The following NFIB variants were observed in gnomAD, a reference collection of about 807,000 sequenced individuals.
NFIB encodes nuclear factor I B, also known as nuclear factor 1 B-type.
Under a neutral mutation model 61.5 loss-of-function variants are expected in NFIB, and 11 were observed. The ratio of observed to expected loss-of-function variants is 0.18; its 90% CI spans 0.11 to 0.30. NFIB has a LOEUF of 0.30. Among genes scored for constraint, NFIB ranks in the 10% least tolerant of loss-of-function variants. NFIB has a pLI of 1.00. For synonymous variants in NFIB, 260 were observed against 216.5 expected (o/e 1.20, Z -1.76); for missense variants, 471 against 608.9 (o/e 0.77, Z 2.38).
intron 10 of NFIB, among the ~76,000 whole-genome samples, chr9:14,092,207 T>C (rs2034035589): frequency 1.3e-5 from 2 of 152,006 alleles, no homozygotes; most frequent in African/African-American, 4.8e-5. Flanking sequence ...CAGCTAAGGG[T>C]AGACAGGGAA....
intron 2 of NFIB, among the ~76,000 whole-genome samples, chr9:14,213,742 T>C (rs746320687): frequency 3.3e-5 from 5 of 152,196 alleles, no homozygotes; most frequent in African/African-American, 7.2e-5. Context: ...TCCACCCAGA[T>C]GCATTGCTCA....
At position 14,291,996 on chromosome 9, in the gene NFIB, C is replaced by T. The variant is rs74458411; in HGVS notation, c.562+14993G>A. ...AAAGACCATGGCTGCAGATTGATTT[C>T]GTTAGAATACTTCCTATGAAAATGT... On this transcript the variant is annotated intron_variant, in intron 2 of 10. Transcript: ENST00000380953. 2.6e-3 allele frequency among the ~76,000 whole-genome samples: 391 copies of T among 152,124 alleles called. 1 individual carries two copies. Among genetic ancestry groups the T allele is most frequent in the African/African-American group, 8.7e-3 (362 of 41,512 alleles).
intron 1 of NFIB, among the ~76,000 whole-genome samples, chr9:14,335,601 T>A (rs903526795): frequency 1.3e-5 from 2 of 152,230 alleles, no homozygotes; most frequent in African/African-American, 4.8e-5. Context: ...CTTTATTAGA[T>A]GTTTGATTTG....
At chr9:14,250,179 C>T (rs1219294181) in intron 2 of NFIB, among the ~76,000 whole-genome samples, 2 of 152,102 alleles carry the variant, frequency 1.3e-5, no homozygotes, top group East Asian at 1.9e-4. Flanking sequence ...AGTTTATGGC[C>T]TGTTGAGCAC....
chr9:14,451,192 T>C, the NFIB span, among the ~76,000 whole-genome samples: 896 of 152,306 alleles, frequency 5.9e-3, 11 homozygotes, highest in African/African-American at 0.02. Flanking sequence ...AGCCAGATAA[T>C]TGAGGTAGAA....
At chr9:14,124,392 A>G (rs948526458) in intron 7 of NFIB, among the ~76,000 whole-genome samples, 2 of 152,296 alleles carry the variant, frequency 1.3e-5, no homozygotes, top group Middle Eastern at 3.4e-3. Context: ...TTTAAGTTGT[A>G]TAGTCCTCTC....
chr9:14,454,003 G>A, the NFIB span, among the ~76,000 whole-genome samples: 23 of 151,990 alleles, frequency 1.5e-4, no homozygotes, highest in African/African-American at 4.8e-4. Flanking sequence ...GCTTGAACCC[G>A]GGAGGCAATG....
At chr9:14,486,825 AC>A in the NFIB span, among the ~76,000 whole-genome samples, 1 of 152,168 alleles carries the variant, frequency 6.6e-6, no homozygotes, top group Non-Finnish European at 1.5e-5. Context: ...ATTTGTCCTT[AC>A]TTTATTACCC....
chr9:14,417,769 G>T, the NFIB span, among the ~76,000 whole-genome samples: 1 of 138,604 alleles, frequency 7.2e-6, no homozygotes, highest in Non-Finnish European at 1.5e-5. Flanking sequence ...TAGGGCCTAG[G>T]AACAGTTTTT....
Position 14,202,128 on chromosome 9 carries a change from TCACACACACACACA to T in NFIB, c.563-22362_563-22349del, listed in dbSNP as rs3080833. On this transcript the variant is annotated intron_variant, in intron 2 of 10. Coordinates refer to ENST00000380953, the MANE Select transcript of NFIB (RefSeq NM_001190737.2). ...ATTTTGAAGATAAAATTGATACTTT[TCACACACACACACA>T]CACACACACACACACACACACAAAG... 8.5e-4 allele frequency among the ~76,000 whole-genome samples: 125 copies of T among 147,176 alleles called. No individual in the cohort carries two copies. The Middle Eastern group carries it at 0.017, about 20-fold the overall frequency.
intron 1 of NFIB, among the ~76,000 whole-genome samples, chr9:14,343,033 G>GC (rs1218511931): frequency 6.6e-6 from 1 of 151,956 alleles, no homozygotes; most frequent in Non-Finnish European, 1.5e-5. Flanking sequence ...TGTTTCTGTT[G>GC]CCTAGTGAGC....
chr9:14,216,538 CTCTCCCTCTG>C (rs2050928284), intron 2 of NFIB, among the ~76,000 whole-genome samples: 2 of 30,620 alleles, frequency 6.5e-5, no homozygotes, highest in East Asian at 7.5e-4. Context: ...CTCTCTCTCT[CTCTCCCTCTG>C]TGTGTGTGTG....
the NFIB span, among the ~76,000 whole-genome samples, chr9:14,407,592 T>G: frequency 6.6e-6 from 1 of 152,154 alleles, no homozygotes; most frequent in Admixed American, 6.5e-5. Flanking sequence ...AAACATGAAT[T>G]AAAGATAATA....
chr9:14,354,025 A>G (rs2061146454), intron 1 of NFIB, among the ~76,000 whole-genome samples: 2 of 152,046 alleles, frequency 1.3e-5, no homozygotes, highest in African/African-American at 4.8e-5. Context: ...TTCCTTCTCT[A>G]AAAACCAAAG....
intron 1 of NFIB, among the ~76,000 whole-genome samples, chr9:14,343,834 G>C (rs550879953): frequency 3.6e-5 from 3 of 83,028 alleles, no homozygotes; most frequent in African/African-American, 1.8e-4. Flanking sequence ...AGGGGGGGTC[G>C]GGGGGGGAAG....
Position 14,096,377 on chromosome 9 carries a change from A to T in NFIB, c.1468-8051T>A, listed in dbSNP as rs905496959. ...TAAGCGAACAAAGAGTGCTCTGAACAGGCCACCGGTTTACTGCAGAGCGGG... is the reference window on the plus strand; with the variant it reads ...TAAGCGAACAAAGAGTGCTCTGAACTGGCCACCGGTTTACTGCAGAGCGGG... On this transcript the variant is annotated intron_variant, in intron 10 of 10. Coordinates refer to ENST00000380953, the MANE Select transcript of NFIB (RefSeq NM_001190737.2). 2.0e-5 allele frequency: 3 copies of T among 152,194 alleles called. No homozygotes were observed. In the East Asian group the frequency reaches 5.8e-4, roughly 29 times the overall value. The allele number at this position is 152,194 out of a possible 1,614,324, so 9.4% of individuals were successfully genotyped here. A position where few individuals can be genotyped will look rare whatever the true frequency, so the allele number is the denominator to read the frequency against.
intron 2 of NFIB, among the ~76,000 whole-genome samples, chr9:14,293,423 C>T (rs2059226890): frequency 6.6e-6 from 1 of 152,140 alleles, no homozygotes; most frequent in African/African-American, 2.4e-5. Flanking sequence ...GTAACTGGAA[C>T]ACCCAAGGTT....
At chr9:14,213,218 G>C (rs906395676) in intron 2 of NFIB, among the ~76,000 whole-genome samples, 1 of 152,160 alleles carries the variant, frequency 6.6e-6, no homozygotes, top group East Asian at 1.9e-4. Flanking sequence ...CAGGTAACTG[G>C]TATTTCTTGA....
chr9:14,202,067 T>C (rs574883998), intron 2 of NFIB, among the ~76,000 whole-genome samples: 1 of 152,116 alleles, frequency 6.6e-6, no homozygotes, highest in African/African-American at 2.4e-5. Context: ...GTGCTCTCTA[T>C]ACAATTTACA....
Sources: allele counts gnomAD v4.1 joint callset (sites outside exome capture counted in the v4.1 genomes callset), GRCh38; gene constraint gnomAD v4.1.1; transcripts MANE v1.5; gene names NCBI Gene and HGNC (gene_info 2026-07-23, HGNC 2026-07-21).